The following NTM variants were observed in gnomAD, a reference collection of about 807,000 sequenced individuals.
NTM encodes the protein IgLON family member 2.
NTM carries 13 observed loss-of-function variants against 42.1 expected under a neutral mutation model. The observed-to-expected ratio is 0.31, with a 90% CI of 0.20 to 0.49. The LOEUF (loss-of-function observed/expected upper bound fraction) is 0.49, where lower values mean the gene tolerates loss of function less well. Ranked by LOEUF, NTM falls within the 20% of genes least tolerant of loss-of-function variation. NTM has a pLI of 0.99. For synonymous variants in NTM, 187 were observed against 179.2 expected (o/e 1.04, Z -0.35); for missense variants, 373 against 452.8 (o/e 0.82, Z 1.60).
At chr11:131,912,505 A>C (rs1456536675) in intron 2 of NTM, among the ~76,000 whole-genome samples, 3 of 152,202 alleles carry the variant, frequency 2.0e-5, no homozygotes, top group African/African-American at 7.2e-5. Flanking sequence ...ACGCTAACTG[A>C]ATTTCCAGTG....
intron 1 of NTM, among the ~76,000 whole-genome samples, chr11:131,717,347 G>A (rs1365054969): frequency 6.6e-6 from 1 of 152,086 alleles, no homozygotes; most frequent in East Asian, 1.9e-4. Flanking sequence ...ACAATATTGA[G>A]TCTCATGACT....
At chr11:132,214,939 A>G (rs771627106) in intron 4 of NTM, among the ~76,000 whole-genome samples, 3 of 152,222 alleles carry the variant, frequency 2.0e-5, no homozygotes, top group Non-Finnish European at 4.4e-5. Flanking sequence ...AGCAATAACT[A>G]ATCACCTCAG....
At chr11:132,262,266 C>G (rs913766550) in intron 4 of NTM, among the ~76,000 whole-genome samples, 1 of 152,222 alleles carries the variant, frequency 6.6e-6, no homozygotes, top group African/African-American at 2.4e-5. Flanking sequence ...AACCACCTAC[C>G]AAGGCCTTTT....
intron 1 of NTM, among the ~76,000 whole-genome samples, chr11:131,499,599 C>T (rs1359034550): frequency 1.3e-5 from 2 of 152,234 alleles, no homozygotes; most frequent in African/African-American, 2.4e-5. Context: ...ACTAACCTGG[C>T]TTTCCCTTCT....
At chr11:131,460,435 CAAT>C (rs2136106424) in intron 1 of NTM, among the ~76,000 whole-genome samples, 1 of 152,242 alleles carries the variant, frequency 6.6e-6, no homozygotes, top group Admixed American at 6.5e-5. Flanking sequence ...ATAATGACAA[CAAT>C]AATGATGATG....
At chr11:131,448,436 C>T (rs1472306177) in intron 1 of NTM, among the ~76,000 whole-genome samples, 1 of 152,240 alleles carries the variant, frequency 6.6e-6, no homozygotes, top group African/African-American at 2.4e-5. Context: ...CTCTTGAATA[C>T]ACACCTAAGC....
chr11:131,870,650 A>AG (rs2047684275), intron 1 of NTM, among the ~76,000 whole-genome samples: 1 of 152,226 alleles, frequency 6.6e-6, no homozygotes, highest in South Asian at 2.1e-4. Flanking sequence ...TTGAATCTTA[A>AG]GGGGGAGAAA....
At chr11:131,381,990 G>A (rs1431475146) in intron 1 of NTM, among the ~76,000 whole-genome samples, 1 of 152,282 alleles carries the variant, frequency 6.6e-6, no homozygotes, top group African/African-American at 2.4e-5. Flanking sequence ...AAAGCACTTT[G>A]CAATTCTGGC....
chr11:131,623,773 C>T (rs2062815386), intron 1 of NTM, among the ~76,000 whole-genome samples: 1 of 152,240 alleles, frequency 6.6e-6, no homozygotes, highest in African/African-American at 2.4e-5. Flanking sequence ...TTTAAGCACC[C>T]AATGTGTAGG....
chr11:131,993,725 G>C (rs2067436660), intron 2 of NTM, among the ~76,000 whole-genome samples: 1 of 152,180 alleles, frequency 6.6e-6, no homozygotes, highest in African/African-American at 2.4e-5. Context: ...GAGACAGGCT[G>C]AGCGGTGGCT....
chr11:132,087,573 C>T (rs1401418169), intron 2 of NTM, among the ~76,000 whole-genome samples: 1 of 152,184 alleles, frequency 6.6e-6, no homozygotes, highest in Non-Finnish European at 1.5e-5. Flanking sequence ...ACCTCCTTAT[C>T]ATAAGCCCAG....
intron 1 of NTM, among the ~76,000 whole-genome samples, chr11:131,435,401 G>A (rs112206005): frequency 6.6e-6 from 1 of 152,134 alleles, no homozygotes; most frequent in African/African-American, 2.4e-5. Context: ...TTTTCACAAT[G>A]TTGATTCTTC....
At chr11:131,442,583 C>A (rs546104295) in intron 1 of NTM, among the ~76,000 whole-genome samples, 1 of 152,110 alleles carries the variant, frequency 6.6e-6, no homozygotes, top group African/African-American at 2.4e-5. Flanking sequence ...ATCTTCCCCC[C>A]TTTTGGAGTC....
At chr11:132,044,920 G>A (rs1259203954) in intron 2 of NTM, among the ~76,000 whole-genome samples, 2 of 152,112 alleles carry the variant, frequency 1.3e-5, no homozygotes, top group Non-Finnish European at 1.5e-5. Context: ...CCTAGCACCA[G>A]ACAGATTCAC....
chr11:131,521,431 A>G (rs1286165623), intron 1 of NTM, among the ~76,000 whole-genome samples: 22 of 78,022 alleles, frequency 2.8e-4, no homozygotes, highest in Middle Eastern at 0.016. Context: ...TTGAGACGGG[A>G]GTCTCGCTCT....
At chr11:132,334,892 C>A in intron 8 of NTM, 154 bp from the exon 9 acceptor site, 1 of 803,358 alleles carries the variant, frequency 1.2e-6, no homozygotes, top group Non-Finnish European at 1.5e-6. Flanking sequence ...GGCCATAGAA[C>A]GTTCACTTCT....
At chr11:131,902,753 G>C (rs1419791138) in intron 1 of NTM, among the ~76,000 whole-genome samples, 1 of 152,156 alleles carries the variant, frequency 6.6e-6, no homozygotes, top group East Asian at 1.9e-4. Flanking sequence ...AAAGAATATT[G>C]ATTGATTTCA....
At chr11:132,065,995 G>T (rs963829721) in intron 2 of NTM, among the ~76,000 whole-genome samples, 13 of 152,158 alleles carry the variant, frequency 8.5e-5, no homozygotes, top group African/African-American at 3.1e-4. Flanking sequence ...GTAAATTGGG[G>T]TTGTGGGGAG....
At chr11:132,034,921 C>T (rs983402557) in intron 2 of NTM, among the ~76,000 whole-genome samples, 6 of 152,226 alleles carry the variant, frequency 3.9e-5, no homozygotes, top group African/African-American at 1.4e-4. Context: ...AGCACATAAA[C>T]TCCAGAGGGA....
Sources: allele counts gnomAD v4.1 joint callset (sites outside exome capture counted in the v4.1 genomes callset), GRCh38; gene constraint gnomAD v4.1.1; transcripts MANE v1.5; gene names NCBI Gene and HGNC (gene_info 2026-07-23, HGNC 2026-07-21).